MARCHF8: variants seen among roughly 807,000 people sequenced by gnomAD.
The protein encoded by MARCHF8 is E3 ubiquitin-protein ligase MARCHF8.
MARCHF8 carries 40 observed loss-of-function variants against 51.6 expected under a neutral mutation model. That is an observed-to-expected ratio of 0.77 (90% CI 0.60 to 1.01). The LOEUF is 1.01. MARCHF8 is among the 50% of genes least tolerant of loss of function. The pLI, the probability that MARCHF8 is intolerant of heterozygous loss-of-function variation, is 0.00. For missense variants in MARCHF8, 685 were observed against 708.6 expected, an observed-to-expected ratio of 0.97 and a Z score of 0.38; for synonymous variants, 263 against 280.3, an observed-to-expected ratio of 0.94 and a Z score of 0.62.
intron 1 of MARCHF8, among the ~76,000 whole-genome samples, chr10:45,585,472 AAAG>A (rs2044608533): frequency 6.6e-6 from 1 of 152,242 alleles, no homozygotes. Flanking sequence ...AAAGCAAATG[AAAG>A]AAGTTTACCC....
At position 45,568,026 on chromosome 10, in the gene MARCHF8, T is replaced by C. The variant is rs544402970; in HGVS notation, c.-79+26209A>G. 1.3e-3 allele frequency among the ~76,000 whole-genome samples: 200 copies of C among 152,172 alleles called. 1 individual carries two copies. The highest frequency in any genetic ancestry group is 4.3e-3 in the African/African-American group (179 of 41,578). The stretch of plus-strand genomic sequence containing the variant: ...ATTTGGGTAATTCCTAGGTGCTTTA[T>C]TTTATGTGTGGCTTCCAAATGGGAT... On this transcript the variant is annotated intron_variant, in intron 1 of 6. Transcript: ENST00000319836.
At chr10:45,540,614 C>A (rs973358419) in intron 1 of MARCHF8, among the ~76,000 whole-genome samples, 2 of 152,144 alleles carry the variant, frequency 1.3e-5, no homozygotes, top group African/African-American at 4.8e-5. Context: ...AAGAAACTAC[C>A]ATCAAAGTGA....
rs1842667001 is a variant in MARCHF8 at position 45,458,225 on chromosome 10, C to A, written c.*14G>T. 6.3e-7 allele frequency: 1 copy of A among 1,590,576 alleles called. No homozygotes were observed. Among genetic ancestry groups the A allele is most frequent in the Non-Finnish European group, 8.6e-7 (1 of 1,169,424 alleles). ...TCTTCATGGATGTCCAGGAAAATGA[C>A]AACCCGCACACAATCAGACGTGAAT... On this transcript the variant is annotated 3_prime_UTR_variant, in exon 8 of 8. Coordinates refer to ENST00000453424, the MANE Select transcript of MARCHF8 (RefSeq NM_001282866.2).
chr10:45,569,244 T>C (rs757322200), intron 1 of MARCHF8, among the ~76,000 whole-genome samples: 4 of 152,180 alleles, frequency 2.6e-5, no homozygotes, highest in Non-Finnish European at 5.9e-5. Flanking sequence ...GTCTGTCATA[T>C]ATGGCTTTAA....
intron 3 of MARCHF8, among the ~76,000 whole-genome samples, chr10:45,469,669 T>C (rs970945500): frequency 1.5e-4 from 23 of 151,850 alleles, no homozygotes; most frequent in African/African-American, 3.9e-4. Flanking sequence ...ATCGAGACCA[T>C]CCTGGCTAAC....
At chr10:45,533,803 A>C (rs1039415581) in intron 1 of MARCHF8, among the ~76,000 whole-genome samples, 2 of 152,220 alleles carry the variant, frequency 1.3e-5, no homozygotes, top group Non-Finnish European at 2.9e-5. Context: ...ATTCCTATAA[A>C]GGGCAAGATA....
chr10:45,530,117 G>GT (rs1346634275), intron 2 of MARCHF8, among the ~76,000 whole-genome samples: 1 of 152,302 alleles, frequency 6.6e-6, no homozygotes, highest in East Asian at 1.9e-4. Flanking sequence ...ATGAATTCAT[G>GT]TTTTTTTGTA....
intron 2 of MARCHF8, among the ~76,000 whole-genome samples, chr10:45,522,883 TC>T (rs1471929665): frequency 2.6e-5 from 4 of 152,248 alleles, no homozygotes; most frequent in Admixed American, 1.3e-4. Flanking sequence ...GTGTGATGGC[TC>T]GTGTCTATAA....
At chr10:45,540,598 C>G (rs1184891885) in intron 1 of MARCHF8, among the ~76,000 whole-genome samples, 2 of 152,158 alleles carry the variant, frequency 1.3e-5, no homozygotes, top group African/African-American at 2.4e-5. Context: ...AGCTTCTGCA[C>G]AGCAAAAGAA....
intron 2 of MARCHF8, among the ~76,000 whole-genome samples, chr10:45,503,983 G>A (rs966728180): frequency 2.5e-4 from 38 of 152,200 alleles, no homozygotes; most frequent in African/African-American, 7.0e-4. Context: ...TGGGAGAATG[G>A]GGAGTGACTG....
intron 3 of MARCHF8, among the ~76,000 whole-genome samples, chr10:45,485,821 C>CAT: frequency 6.6e-6 from 1 of 152,300 alleles, no homozygotes; most frequent in Non-Finnish European, 1.5e-5. Context: ...AGTCTCCTGA[C>CAT]AGAGACAACG....
chr10:45,480,807 A>G (rs1040468730), intron 3 of MARCHF8, among the ~76,000 whole-genome samples: 7 of 152,258 alleles, frequency 4.6e-5, no homozygotes, highest in African/African-American at 1.7e-4. Flanking sequence ...TGTGAAAGGG[A>G]AATGTGGGTT....
In MARCHF8 at chr10:45,456,977, T is replaced by TG. The variant is rs1328399817; in HGVS notation, c.*1261dup. The TG allele has an allele frequency of 6.6e-6, 1 of 152,390 alleles. No individual in the cohort carries two copies. The highest frequency in any genetic ancestry group is 2.4e-5 in the African/African-American group (1 of 41,470). 9.4% of individuals were successfully genotyped at this position (152,390 alleles called of 1,614,324 possible). A position where few individuals can be genotyped will look rare whatever the true frequency, so the allele number is the denominator to read the frequency against. ...GGGCGGGCATGTGGCCGGGGAGCAG[T>TG]GGCACAGCGGACCCTGGCAGTTTGC... On this transcript the variant is annotated 3_prime_UTR_variant, in exon 8 of 8. Transcript: ENST00000453424.
intron 3 of MARCHF8, among the ~76,000 whole-genome samples, chr10:45,471,532 G>A (rs967455841): frequency 6.6e-5 from 10 of 152,236 alleles, no homozygotes; most frequent in African/African-American, 2.4e-4. Flanking sequence ...TCACTCACAA[G>A]GACCCTTTAA....
intron 3 of MARCHF8, among the ~76,000 whole-genome samples, chr10:45,465,623 C>A (rs1028651245): frequency 1.4e-4 from 21 of 152,208 alleles, no homozygotes; most frequent in Admixed American, 6.5e-4. Flanking sequence ...GGATGGCACT[C>A]GGATTAAGGC....
intron 3 of MARCHF8, among the ~76,000 whole-genome samples, chr10:45,488,044 T>A (rs1356683272): frequency 6.6e-6 from 1 of 152,136 alleles, no homozygotes; most frequent in East Asian, 1.9e-4. Context: ...AGAGGAGCAC[T>A]GCCTGGAAGC....
intron 1 of MARCHF8, among the ~76,000 whole-genome samples, chr10:45,543,684 G>A (rs2044082842): frequency 6.6e-6 from 1 of 151,220 alleles, no homozygotes; most frequent in Non-Finnish European, 1.5e-5. Flanking sequence ...TGTAGTCTCA[G>A]CTACTCAGGA....
At chr10:45,497,161 G>T (rs1207127979) in intron 2 of MARCHF8, among the ~76,000 whole-genome samples, 1 of 151,990 alleles carries the variant, frequency 6.6e-6, no homozygotes, top group East Asian at 1.9e-4. Flanking sequence ...ATAAAAAGGG[G>T]TAGTCATTAT....
chr10:45,576,983 A>AC (rs2044497469), intron 1 of MARCHF8, among the ~76,000 whole-genome samples: 1 of 139,366 alleles, frequency 7.2e-6, no homozygotes, highest in Non-Finnish European at 1.6e-5. Context: ...AGAAAAAAAA[A>AC]AAAAAAAGAA....
Sources: allele counts gnomAD v4.1 joint callset (sites outside exome capture counted in the v4.1 genomes callset), GRCh38; gene constraint gnomAD v4.1.1; transcripts MANE v1.5; gene names NCBI Gene and HGNC (gene_info 2026-07-23, HGNC 2026-07-21).